The following ZNF780A variants were observed in gnomAD, a reference collection of about 807,000 sequenced individuals.
ZNF780A encodes zinc finger protein 780A.
In ZNF780A, 40 loss-of-function variants were observed where a neutral mutation model predicts 56.7. The observed-to-expected ratio is 0.71, with a 90% CI of 0.55 to 0.92. The LOEUF is 0.92. Among genes scored for constraint, ZNF780A ranks in the 40% least tolerant of loss-of-function variants. The pLI, the probability that ZNF780A is intolerant of heterozygous loss-of-function variation, is 0.00. For synonymous variants in ZNF780A, 231 were observed against 248.3 expected, an observed-to-expected ratio of 0.93 and a Z score of 0.66; for missense variants, 672 against 783.3, an observed-to-expected ratio of 0.86 and a Z score of 1.70.
chr19:40,074,472 C>T lies in ZNF780A; in HGVS notation c.*44G>A, dbSNP rs1232064989. 1.2e-6 allele frequency: 2 copies of T among 1,605,430 alleles called. No homozygotes were observed. Among genetic ancestry groups the T allele is most frequent in the Admixed American group, 1.7e-5 (1 of 59,482 alleles). ...CCAGCACGAATACTCTGATGTTGAA[C>T]ATGGTTTGAGACACGATTAAAGGAC... On this transcript the variant is annotated 3_prime_UTR_variant, in exon 6 of 6. Coordinates refer to ENST00000683561, the MANE Select transcript of ZNF780A (RefSeq NM_001142578.2).
At chr19:40,089,353 A>G in intron 2 of ZNF780A, 1 of 1,289,094 alleles carries the variant, frequency 7.8e-7, no homozygotes. Context: ...TGAGCCCCTC[A>G]CTCATTTTCT....
rs1974699300 is a variant in ZNF780A at position 40,084,905 on chromosome 19, C to T, written c.-45-107G>A. On this transcript the variant is annotated intron_variant, in intron 2 of 5. Coordinates refer to ENST00000683561, the MANE Select transcript of ZNF780A (RefSeq NM_001142578.2). ...TCTCAACTACTCCTGCTAACACGCA[C>T]ACTTCCACCCTTCTCCCATCACTCC... 10 of 1,303,070 alleles carry T rather than the reference C, an allele frequency of 7.7e-6. No individual in the cohort carries two copies. In the Admixed American group the frequency reaches 2.1e-4, roughly 27 times the overall value. 80.7% of individuals were successfully genotyped at this position (1,303,070 alleles called of 1,614,324 possible).
Position 40,083,191 on chromosome 19 carries a change from T to A in ZNF780A, c.56A>T (p.Glu19Val). ...RDVAIDFSQEEWECLQPDQRT... is the reference protein window; with the variant it reads ...RDVAIDFSQEVWECLQPDQRT... ...CTGATCAGGCTGCAGGCACTCCCAC[T>A]CCTCCTGAGAGAAGTCAATGGCCAC... The change falls in exon 4 of 6, where the codon GAG (glutamate) becomes GTG (valine). Residue 19 changes from glutamate (E) to valine (V), a missense_variant. Glu to Val is a moderately radical substitution (Grantham distance 121). Transcript: ENST00000683561. 12 of 1,614,146 alleles carry A rather than the reference T, an allele frequency of 7.4e-6. No individual in the cohort carries two copies. Among genetic ancestry groups the A allele is most frequent in the Non-Finnish European group, 1.0e-5 (12 of 1,180,028 alleles).
chr19:40,070,668 T>C (rs533941340), downstream of ZNF780A: 2 of 152,196 alleles, frequency 1.3e-5, no homozygotes, highest in Non-Finnish European at 2.9e-5. Context: ...TTAAAAGTAG[T>C]AGGTGATTTT....
intron 2 of ZNF780A, chr19:40,085,043 C>T (rs907462340): frequency 6.4e-6 from 5 of 775,198 alleles, no homozygotes; most frequent in Non-Finnish European, 6.3e-6. Flanking sequence ...GCATGAATGC[C>T]GAGCACAGGC....
chr19:40,082,702 G>A (rs1974546907), intron 4 of ZNF780A, among the ~76,000 whole-genome samples: 1 of 152,062 alleles, frequency 6.6e-6, no homozygotes, highest in Non-Finnish European at 1.5e-5. Context: ...AGGTTTCTCT[G>A]ATAGAAAAAT....
In ZNF780A at chr19:40,074,336, C is replaced by T; in HGVS notation, c.*180G>A. On this transcript the variant is annotated 3_prime_UTR_variant, in exon 6 of 6. Transcript: ENST00000683561. ...GTAATGATATCTAAAGGTCGTCCTC[C>T]ACTCCTTGCATACAAAGAGTTTCTC... The T allele has an allele frequency of 6.6e-7, 1 of 1,522,018 alleles. No individual in the cohort carries two copies. The allele number at this position is 1,522,018 out of a possible 1,614,324, so 94.3% of individuals were successfully genotyped here.
rs1286149238 is a variant in ZNF780A, at chr19:40,075,170, T to C, written c.1272A>G (p.Lys424=). 6.2e-7 allele frequency: 1 copy of C among 1,612,790 alleles called. No homozygotes were observed. Among genetic ancestry groups the C allele is most frequent in the Non-Finnish European group, 8.5e-7 (1 of 1,179,726 alleles). The change falls in exon 6 of 6, where the codon AAA becomes AAG. Residue 424 remains lysine, a synonymous_variant. Coordinates refer to ENST00000683561, the MANE Select transcript of ZNF780A (RefSeq NM_001142578.2). ...IKPYECKECG[K]GFNRGAHLIQ... ...TAAGGTGTGCACCACGATTAAAGCC[T>C]TTCCCACACTCCTTACATTCATATG...
chr19:40,069,893 C>T (rs1479522054), downstream of ZNF780A: 3 of 152,044 alleles, frequency 2.0e-5, no homozygotes, highest in South Asian at 6.2e-4. Flanking sequence ...GTAAGCCAGA[C>T]ACTTTTGGAA....
chr19:40,077,532 A>G (rs1033134799), intron 5 of ZNF780A, among the ~76,000 whole-genome samples: 3 of 152,098 alleles, frequency 2.0e-5, no homozygotes, highest in African/African-American at 7.2e-5. Context: ...ATCCACCCCT[A>G]TGATCCAATT....
Position 40,075,769 on chromosome 19 carries a change from C to T in ZNF780A, c.673G>A (p.Glu225Lys), listed in dbSNP as rs768694242. Reference sequence around the variant, plus strand: ...AGAAGACTAAAGGCCTTTCCACATTCGTTACATTCAAAAGGTTTCTCACCA... The same window carrying T: ...AGAAGACTAAAGGCCTTTCCACATTTGTTACATTCAAAAGGTTTCTCACCA... ...HTGEKPFECN[E>K]CGKAFSLLTL... Residue 225 changes from glutamate to lysine, a missense_variant, in exon 6 of 6, where the codon GAA becomes AAA. By Grantham distance (56) the Glu-to-Lys change is moderately conservative. Transcript: ENST00000683561. 2.4e-5 allele frequency: 39 copies of T among 1,614,000 alleles called. No individual in the cohort carries two copies. The highest frequency in any genetic ancestry group is 8.3e-5 in the Admixed American group (5 of 60,010).
Position 40,073,632 on chromosome 19 carries a change from T to C in ZNF780A, c.*884A>G, listed in dbSNP as rs73549807. On this transcript the variant is annotated 3_prime_UTR_variant, in exon 6 of 6. Coordinates refer to ENST00000683561, the MANE Select transcript of ZNF780A (RefSeq NM_001142578.2). Reference sequence around the variant, plus strand: ...CTCACAAGAATTATCTTCTCCGAACTCTAAGGTATTTAGTGTGGCTATAAA... The same window carrying C: ...CTCACAAGAATTATCTTCTCCGAACCCTAAGGTATTTAGTGTGGCTATAAA... 9,629 of 985,942 alleles carry C rather than the reference T, an allele frequency of 9.8e-3. 128 individuals are homozygous for C. The highest frequency in any genetic ancestry group is 0.05 in the African/African-American group (2,840 of 57,350). 61.1% of individuals were successfully genotyped at this position (985,942 alleles called of 1,614,324 possible).
chr19:40,082,936 A>G (rs1974562432), intron 4 of ZNF780A, among the ~76,000 whole-genome samples, 175 bp downstream of exon 4: 1 of 152,224 alleles, frequency 6.6e-6, no homozygotes, highest in Non-Finnish European at 1.5e-5. Context: ...AGTAGGCAAG[A>G]TGCAGGGGCT....
chr19:40,075,123 G>A lies in ZNF780A; in HGVS notation c.1319C>T (p.Ser440Phe), dbSNP rs1974032024. 3.1e-6 allele frequency: 5 copies of A among 1,613,924 alleles called. No homozygotes were observed. The East Asian group carries it at 1.1e-4, about 36-fold the overall frequency. The change falls in exon 6 of 6, where the codon TCC becomes TTC. Residue 440 changes from serine (S) to phenylalanine (F), a missense_variant. By Grantham distance (155) the Ser-to-Phe change is radical. Coordinates refer to ENST00000683561, the MANE Select transcript of ZNF780A (RefSeq NM_001142578.2). ...AHLIQHQKIH[S>F]NEKPFVCREC... Reference sequence around the variant, plus strand: ...CCTACATACAAAAGGTTTCTCATTGGAATGAATTTTCTGATGCTGAATAAG... The same window carrying A: ...CCTACATACAAAAGGTTTCTCATTGAAATGAATTTTCTGATGCTGAATAAG...
In ZNF780A at chr19:40,076,160, G is replaced by A; in HGVS notation, c.282C>T (p.Thr94=). Residue 94 remains threonine, a synonymous_variant, in exon 6 of 6, where the codon ACC becomes ACT. Transcript: ENST00000683561. ...CCTGTTTGGGTAAATTTACTTCAGA[G>A]GTATCATTTTCTGGAGATACTTTCT... ...GPEKVSPEND[T]SEVNLPKQVI... 6.3e-7 allele frequency: 1 copy of A among 1,585,396 alleles called. No homozygotes were observed. The highest frequency in any genetic ancestry group is 8.5e-7 in the Non-Finnish European group (1 of 1,170,758).
Position 40,075,580 on chromosome 19 carries a change from G to A in ZNF780A, c.862C>T (p.Arg288Cys), listed in dbSNP as rs751047796. 3.1e-6 allele frequency: 5 copies of A among 1,613,418 alleles called. No individual in the cohort carries two copies. Among genetic ancestry groups the A allele is most frequent in the South Asian group, 2.2e-5 (2 of 91,058 alleles). ...TGATGCTGAATAAGGTGTGCACCAC[G>A]ATTAAAGCCTTTCCCACACTCCTTA... ...ECKECGKGFN[R>C]GAHLIQHQKI... The change falls in exon 6 of 6, where the codon CGT becomes TGT. Residue 288 changes from arginine (R) to cysteine (C), a missense_variant. Arg to Cys is a radical substitution (Grantham distance 180, BLOSUM62 -3). Coordinates refer to ENST00000683561, the MANE Select transcript of ZNF780A (RefSeq NM_001142578.2).
rs1423404008 is a variant in ZNF780A, at chr19:40,074,612, C to T, written c.1830G>A (p.Glu610=). The change falls in exon 6 of 6, where the codon GAG becomes GAA. Residue 610 remains glutamate (E), a synonymous_variant. Coordinates refer to ENST00000683561, the MANE Select transcript of ZNF780A (RefSeq NM_001142578.2). ...LIRHQKLHTG[E]KPFECKECGK... is the part of the protein sequence containing the mutation. ...CACATTCCTTACATTCAAAGGGTTTCTCACCAGTATGCAATTTCTGATGTC... is the reference window on the plus strand; with the variant it reads ...CACATTCCTTACATTCAAAGGGTTTTTCACCAGTATGCAATTTCTGATGTC... 32 of 1,613,922 alleles carry T rather than the reference C, an allele frequency of 2.0e-5. No homozygotes were observed. Among genetic ancestry groups the T allele is most frequent in the Non-Finnish European group, 2.6e-5 (31 of 1,179,892 alleles).
intron 2 of ZNF780A, among the ~76,000 whole-genome samples, chr19:40,086,667 C>T (rs1974813198): frequency 6.6e-6 from 1 of 152,092 alleles, no homozygotes; most frequent in Non-Finnish European, 1.5e-5. Flanking sequence ...TACAAAAACC[C>T]TATCTTAGTA....
intron 2 of ZNF780A, among the ~76,000 whole-genome samples, chr19:40,086,997 C>G (rs1306944315): frequency 1.3e-5 from 2 of 152,128 alleles, no homozygotes; most frequent in African/African-American, 4.8e-5. Context: ...GCCACCGCGC[C>G]CCGCCCCATG....
Sources: gnomAD v4.1 joint callset for allele counts (sites outside exome capture counted in the v4.1 genomes callset) on GRCh38, gnomAD v4.1.1 for gene constraint, MANE v1.5 for transcripts, NCBI Gene and HGNC (gene_info 2026-07-23, HGNC 2026-07-21) for gene names.